KANK1: variants seen among roughly 807,000 people sequenced by gnomAD.
KANK1 encodes KN motif and ankyrin repeat domains 1.
In KANK1, 109 loss-of-function variants were observed where a neutral mutation model predicts 106.2. The ratio of observed to expected loss-of-function variants is 1.03; its 90% CI spans 0.88 to 1.20. The LOEUF (loss-of-function observed/expected upper bound fraction) is 1.20. Among genes scored for constraint, KANK1 ranks in the 50% most tolerant of loss-of-function variants. KANK1 has a pLI of 0.00. For missense variants in KANK1, 2,399 were observed against 1,710.7 expected (o/e 1.40, Z -7.10); for synonymous variants, 873 against 652.2 (o/e 1.34, Z -5.16).
chr9:564,058 C>G (rs999382784), intron 1 of KANK1, among the ~76,000 whole-genome samples: 1 of 141,802 alleles, frequency 7.1e-6, no homozygotes. Context: ...TGTGCACTTT[C>G]TTTCTTTTTT....
At chr9:680,846 C>G (rs1482695261) in intron 2 of KANK1, 2 of 152,384 alleles carry the variant, frequency 1.3e-5, no homozygotes, top group Non-Finnish European at 2.9e-5. Flanking sequence ...AATCTTCCCT[C>G]GTAGTGTTAC....
At chr9:704,398 C>T (rs1322723654) in intron 2 of KANK1, among the ~76,000 whole-genome samples, 1 of 152,196 alleles carries the variant, frequency 6.6e-6, no homozygotes, top group Admixed American at 6.5e-5. Flanking sequence ...GTCATCACAT[C>T]TGCATTCCAG....
intron 1 of KANK1, among the ~76,000 whole-genome samples, chr9:661,907 G>T (rs1843408730): frequency 2.6e-5 from 4 of 152,026 alleles, no homozygotes; most frequent in African/African-American, 9.7e-5. Flanking sequence ...GTGTCTGTTG[G>T]CTGCATAAAT....
At chr9:640,273 G>A (rs923864825) in intron 1 of KANK1, among the ~76,000 whole-genome samples, 6 of 152,028 alleles carry the variant, frequency 3.9e-5, no homozygotes, top group Admixed American at 3.9e-4. Context: ...ACAGAGTCTC[G>A]CTCTGTCGCC....
intron 1 of KANK1, among the ~76,000 whole-genome samples, chr9:541,806 C>T (rs1029476307): frequency 5.3e-5 from 8 of 152,008 alleles, no homozygotes; most frequent in African/African-American, 1.9e-4. Context: ...AAAAAATGAA[C>T]AGGCCGGGCG....
intron 1 of KANK1, among the ~76,000 whole-genome samples, chr9:569,922 C>T (rs1587900526): frequency 6.6e-6 from 1 of 152,002 alleles, no homozygotes; most frequent in South Asian, 2.1e-4. Flanking sequence ...GATTCCGTAA[C>T]ACTTGATACG....
intron 3 of KANK1, among the ~76,000 whole-genome samples, chr9:485,286 A>T (rs903521996): frequency 2.6e-5 from 4 of 152,232 alleles, no homozygotes; most frequent in African/African-American, 9.6e-5. Context: ...GAGTGATACA[A>T]GGAAACTGTT....
At chr9:632,234 T>A (rs761862435) in intron 1 of KANK1, among the ~76,000 whole-genome samples, 1 of 152,194 alleles carries the variant, frequency 6.6e-6, no homozygotes, top group African/African-American at 2.4e-5. Context: ...TTTTCCAGAT[T>A]TTCTTGGCCA....
intron 2 of KANK1, chr9:693,331 A>T: frequency 1.3e-5 from 12 of 934,774 alleles, no homozygotes; most frequent in Non-Finnish European, 1.5e-5. Context: ...TGTAACAGAG[A>T]GCCTTTCTCT....
intron 6 of KANK1, chr9:733,035 C>A: frequency 6.2e-6 from 1 of 160,646 alleles, no homozygotes; most frequent in Non-Finnish European, 1.4e-5. Flanking sequence ...TGGATGAGGC[C>A]TCAGCCAAAG....
At chr9:595,668 G>A (rs1826034669) in intron 1 of KANK1, among the ~76,000 whole-genome samples, 3 of 151,802 alleles carry the variant, frequency 2.0e-5, no homozygotes, top group Non-Finnish European at 1.5e-5. Flanking sequence ...TGGGACTGCA[G>A]GAATGCACCA....
chr9:477,401 T>A (rs1442823323), intron 3 of KANK1, among the ~76,000 whole-genome samples: 1 of 152,132 alleles, frequency 6.6e-6, no homozygotes. Context: ...AGAAAAGGAT[T>A]TTCTAGATTC....
intron 1 of KANK1, among the ~76,000 whole-genome samples, chr9:558,447 C>A (rs989168320): frequency 2.0e-5 from 3 of 152,218 alleles, no homozygotes; most frequent in African/African-American, 7.2e-5. Flanking sequence ...CCGATCAATA[C>A]ATAGCCTTGT....
At chr9:517,689 G>A (rs545406579) in intron 1 of KANK1, among the ~76,000 whole-genome samples, 1 of 150,980 alleles carries the variant, frequency 6.6e-6, no homozygotes, top group Non-Finnish European at 1.5e-5. Context: ...AGGGTGTGCC[G>A]GTGGGTCACC....
chr9:509,526 G>A (rs12347628), intron 1 of KANK1, among the ~76,000 whole-genome samples: 23,824 of 152,192 alleles, frequency 0.16, 3,345 homozygotes, highest in African/African-American at 0.38. Flanking sequence ...TCTTAACACA[G>A]TATCTTAATA....
intron 1 of KANK1, among the ~76,000 whole-genome samples, chr9:552,265 G>A (rs1420081534): frequency 6.6e-6 from 1 of 152,090 alleles, no homozygotes; most frequent in East Asian, 1.9e-4. Context: ...TGATTACTGT[G>A]GGAGAATGAA....
In KANK1 at chr9:731,208, G is replaced by A. The variant is rs562561638; in HGVS notation, c.2947G>A (p.Gly983Ser). Residue 983 changes from glycine (G) to serine (S), a missense_variant, in exon 5 of 12, where the codon GGT becomes AGT. By Grantham distance (56) the Gly-to-Ser change is moderately conservative. Transcript: ENST00000382297. ...GAAGTCCATCATGAAGAAGAAAGATGGTAACAAAGATTCAAATGGCGCAAA... is the reference window on the plus strand; with the variant it reads ...GAAGTCCATCATGAAGAAGAAAGATAGTAACAAAGATTCAAATGGCGCAAA... ...TLKSIMKKKD[G>S]NKDSNGAKKN... is the part of the protein sequence containing the mutation. 7 of 1,612,254 alleles carry A rather than the reference G, an allele frequency of 4.3e-6. No individual in the cohort carries two copies. Among genetic ancestry groups the A allele is most frequent in the South Asian group, 2.2e-5 (2 of 90,908 alleles).
intron 1 of KANK1, among the ~76,000 whole-genome samples, chr9:579,319 A>G (rs896475848): frequency 6.6e-6 from 1 of 152,172 alleles, no homozygotes; most frequent in African/African-American, 2.4e-5. Flanking sequence ...GCTTCTAGGA[A>G]CAAAACAAAC....
chr9:640,139 A>G (rs532682866), intron 1 of KANK1, among the ~76,000 whole-genome samples: 2 of 152,254 alleles, frequency 1.3e-5, no homozygotes, highest in South Asian at 4.1e-4. Context: ...TCCCAACTCT[A>G]TGCTTCATGA....
Sources: allele counts gnomAD v4.1 joint callset (sites outside exome capture counted in the v4.1 genomes callset), GRCh38; gene constraint gnomAD v4.1.1; transcripts MANE v1.5; gene names NCBI Gene and HGNC (gene_info 2026-07-23, HGNC 2026-07-21).